DISP1: variants seen among roughly 807,000 people sequenced by gnomAD.
DISP1 encodes dispatched RND transporter family member 1, also known as protein dispatched homolog 1.
In DISP1, 30 loss-of-function variants were observed where a neutral mutation model predicts 37.3. The observed-to-expected ratio is 0.80, with a 90% CI of 0.60 to 1.09. The LOEUF is 1.09. Ranked by LOEUF, DISP1 falls within the 50% of genes least tolerant of loss-of-function variation. The pLI is 0.00. For synonymous variants in DISP1, 634 were observed against 690.2 expected (o/e 0.92, Z 1.28); for missense variants, 1,598 against 1,879.5 (o/e 0.85, Z 2.77).
At chr1:222,958,050 A>G (rs373715866) in intron 3 of DISP1, among the ~76,000 whole-genome samples, 5 of 152,314 alleles carry the variant, frequency 3.3e-5, no homozygotes, top group African/African-American at 9.6e-5. Context: ...AATTGAGATA[A>G]CTGTTAAGCA....
rs1375213139 is a variant in DISP1, at chr1:223,003,585, G to A, written c.2188G>A (p.Val730Ile). The change falls in exon 9 of 9, where the codon GTA becomes ATA. Residue 730 changes from valine (V) to isoleucine (I), a missense_variant. Physicochemically the swap from Val to Ile is conservative, Grantham distance 29. Coordinates refer to ENST00000675850, the MANE Select transcript of DISP1 (RefSeq NM_001377229.1). The surrounding 1 kb of genome is among the most constrained non-coding windows in gnomAD (Gnocchi z 4.3). Reference protein sequence around the residue: ...LWLFWFLALTVGGAYIVCINP... With the variant: ...LWLFWFLALTIGGAYIVCINP... ...GCTGTTTTGGTTCCTTGCCTTAACT[G>A]TAGGTGGGGCCTACATTGTATGTAT... The A allele has an allele frequency of 6.2e-7, 1 of 1,614,210 alleles. No individual in the cohort carries two copies. The highest frequency in any genetic ancestry group is 8.5e-7 in the Non-Finnish European group (1 of 1,180,042).
intron 1 of DISP1, among the ~76,000 whole-genome samples, chr1:222,856,625 C>T (rs1401022959): frequency 6.6e-6 from 1 of 151,634 alleles, no homozygotes; most frequent in African/African-American, 2.4e-5. Flanking sequence ...GCCTACCATA[C>T]GATATCCATT....
chr1:222,818,450 G>A (rs1188328515), intron 1 of DISP1, among the ~76,000 whole-genome samples: 1 of 152,164 alleles, frequency 6.6e-6, no homozygotes, highest in African/African-American at 2.4e-5. Context: ...AAGCAAAATA[G>A]TACCAGTTTG....
At chr1:222,944,268 C>A (rs888320965) in intron 3 of DISP1, among the ~76,000 whole-genome samples, 1 of 152,116 alleles carries the variant, frequency 6.6e-6, no homozygotes, top group Non-Finnish European at 1.5e-5. Flanking sequence ...CTAGAAAAAT[C>A]AATATCATTG....
At chr1:222,839,198 C>T (rs2125285479) in intron 1 of DISP1, among the ~76,000 whole-genome samples, 1 of 152,222 alleles carries the variant, frequency 6.6e-6, no homozygotes, top group Non-Finnish European at 1.5e-5. Flanking sequence ...TGAGCTGTGC[C>T]TCCTGTCAGA....
At chr1:222,926,514 A>T (rs1230196089) in intron 1 of DISP1, among the ~76,000 whole-genome samples, 1 of 152,170 alleles carries the variant, frequency 6.6e-6, no homozygotes, top group Non-Finnish European at 1.5e-5. Context: ...GTTCTAGGAG[A>T]AATACAGGAT....
chr1:222,956,511 G>T (rs1675607812), intron 3 of DISP1, among the ~76,000 whole-genome samples: 1 of 151,874 alleles, frequency 6.6e-6, no homozygotes, highest in Non-Finnish European at 1.5e-5. Flanking sequence ...TTGGTTGGTT[G>T]GTTTTTTTCA....
chr1:222,967,455 TAGG>T (rs2102623618), intron 3 of DISP1, among the ~76,000 whole-genome samples: 1 of 152,278 alleles, frequency 6.6e-6, no homozygotes, highest in African/African-American at 2.4e-5. Context: ...CAACCCTTCT[TAGG>T]AGAGGTCATA....
At chr1:222,854,180 A>T (rs1464129847) in intron 1 of DISP1, among the ~76,000 whole-genome samples, 3 of 152,196 alleles carry the variant, frequency 2.0e-5, no homozygotes, top group Non-Finnish European at 2.9e-5. Context: ...TGATTCACAG[A>T]TCTCTTAACA....
At chr1:222,923,494 A>T (rs1465264272) in intron 1 of DISP1, among the ~76,000 whole-genome samples, 1 of 152,214 alleles carries the variant, frequency 6.6e-6, no homozygotes, top group Non-Finnish European at 1.5e-5. Flanking sequence ...TAATAGCAGG[A>T]AAAAGGGTTG....
At chr1:222,946,916 G>T (rs1295784082) in intron 3 of DISP1, among the ~76,000 whole-genome samples, 1 of 152,106 alleles carries the variant, frequency 6.6e-6, no homozygotes, top group African/African-American at 2.4e-5. Flanking sequence ...AATCCTGAAG[G>T]GTATTGTGAA....
intron 3 of DISP1, among the ~76,000 whole-genome samples, chr1:222,948,530 G>A (rs1558349742): frequency 6.6e-6 from 1 of 152,114 alleles, no homozygotes; most frequent in Non-Finnish European, 1.5e-5. Context: ...ATTATTCTAC[G>A]CAACTCTTTC....
chr1:222,832,675 A>G (rs1235251311), intron 1 of DISP1, among the ~76,000 whole-genome samples: 1 of 152,154 alleles, frequency 6.6e-6, no homozygotes, highest in African/African-American at 2.4e-5. Flanking sequence ...TGGGCGGATC[A>G]CCTGAGGTCA....
intron 1 of DISP1, among the ~76,000 whole-genome samples, chr1:222,836,393 G>A (rs1041041984): frequency 6.6e-6 from 1 of 152,114 alleles, no homozygotes; most frequent in Non-Finnish European, 1.5e-5. Flanking sequence ...TCATTTGGAA[G>A]AAAAGAATTA....
At chr1:222,854,070 T>G (rs1668417508) in intron 1 of DISP1, among the ~76,000 whole-genome samples, 1 of 152,196 alleles carries the variant, frequency 6.6e-6, no homozygotes, top group Non-Finnish European at 1.5e-5. Context: ...ATATAAAATT[T>G]GCTCTGGAAA....
At chr1:222,815,934 T>C (rs1661112406) in intron 1 of DISP1, among the ~76,000 whole-genome samples, 1 of 152,210 alleles carries the variant, frequency 6.6e-6, no homozygotes, top group Non-Finnish European at 1.5e-5. Flanking sequence ...TCCAACTTTC[T>C]AACACATTTT....
At chr1:222,894,989 C>T (rs548461485) in intron 1 of DISP1, among the ~76,000 whole-genome samples, 2 of 152,282 alleles carry the variant, frequency 1.3e-5, no homozygotes, top group South Asian at 2.1e-4. Context: ...GGATTAAGGA[C>T]CCACAGGTAG....
chr1:222,852,521 T>C (rs1364334410), intron 1 of DISP1, among the ~76,000 whole-genome samples: 7 of 152,136 alleles, frequency 4.6e-5, no homozygotes, highest in Non-Finnish European at 8.8e-5. Flanking sequence ...AGTTGTTTTC[T>C]TAACTAAAAT....
intron 2 of DISP1, among the ~76,000 whole-genome samples, chr1:222,941,547 T>C (rs752689542): frequency 1.4e-4 from 21 of 152,190 alleles, no homozygotes; most frequent in Non-Finnish European, 2.5e-4. Flanking sequence ...GGGTAGGGTG[T>C]GTTTGAGGAA....
Sources: allele counts gnomAD v4.1 joint callset (sites outside exome capture counted in the v4.1 genomes callset), GRCh38; gene constraint gnomAD v4.1.1; non-coding constraint Gnocchi (gnomAD v3.1); transcripts MANE v1.5; gene names NCBI Gene and HGNC (gene_info 2026-07-23, HGNC 2026-07-21).